FHL1: variants seen among roughly 807,000 people sequenced by gnomAD.
FHL1 encodes the protein four and a half LIM domains protein 1.
A neutral mutation model predicts 20.3 loss-of-function variants in FHL1; 1 was observed. That is an observed-to-expected ratio of 0.05 (90% CI 0.02 to 0.23). FHL1 has a LOEUF of 0.23. Ranked by LOEUF, FHL1 falls within the 10% of genes least tolerant of loss-of-function variation. The probability of loss-of-function intolerance (pLI) is 1.00; values close to 1 mark genes in which losing one functional copy is unlikely to be tolerated. For missense variants in FHL1, 177 were observed against 234.0 expected, an observed-to-expected ratio of 0.76 and a Z score of 1.59; for synonymous variants, 82 against 88.9, an observed-to-expected ratio of 0.92 and a Z score of 0.44.
intron 1 of FHL1, among the ~76,000 whole-genome samples, chrX:136,162,077 T>C (rs1386728548): frequency 1.0e-5 from 1 of 97,104 alleles, no homozygotes; most frequent in African/African-American, 3.8e-5. Context: ...GAGATGAGAT[T>C]GTGCCACTCC....
intron 1 of FHL1, among the ~76,000 whole-genome samples, chrX:136,153,873 G>C (rs1460320732): frequency 9.0e-6 from 1 of 111,363 alleles, no homozygotes; most frequent in East Asian, 2.8e-4. Context: ...TACATCTCTA[G>C]ATGGAAGTCA....
intron 1 of FHL1, among the ~76,000 whole-genome samples, chrX:136,199,888 A>G (rs1476843305): frequency 3.6e-5 from 4 of 112,436 alleles, no homozygotes; most frequent in Non-Finnish European, 7.5e-5. Flanking sequence ...ACATGAGAAA[A>G]TACATGTAAA....
intron 1 of FHL1, among the ~76,000 whole-genome samples, chrX:136,152,968 G>A (rs2072310561): frequency 9.0e-6 from 1 of 111,597 alleles, no homozygotes; most frequent in African/African-American, 3.3e-5. Flanking sequence ...GGAAGTTATG[G>A]AAATCTGTGC....
chrX:136,158,989 ATAATGTAT>A (rs1328373691), intron 1 of FHL1, among the ~76,000 whole-genome samples: 3 of 110,857 alleles, frequency 2.7e-5, no homozygotes, highest in African/African-American at 9.8e-5. Context: ...TTAGTTCATT[ATAATGTAT>A]TAACGTTGGC....
chrX:136,177,042 A>G (rs1048428834), intron 2 of FHL1, among the ~76,000 whole-genome samples: 10 of 110,409 alleles, frequency 9.1e-5, no homozygotes, highest in African/African-American at 3.0e-4. Context: ...ACACACACAC[A>G]CACATAATGT....
intron 5 of FHL1, 143 bp downstream of exon 5, chrX:136,208,784 C>A: frequency 1.6e-6 from 1 of 615,156 alleles, no homozygotes; most frequent in African/African-American, 2.2e-5. Flanking sequence ...CAAAGGCCCC[C>A]CAAGAGTTTG....
At chrX:136,197,200 G>C in intron 1 of FHL1, 66 bp downstream of exon 1, 1 of 990,851 alleles carries the variant, frequency 1.0e-6, no homozygotes, top group Non-Finnish European at 1.4e-6. Flanking sequence ...TCCGTCATTG[G>C]GCTAAAAGAT....
chrX:136,205,570 T>C (rs2073818470), intron 1 of FHL1, among the ~76,000 whole-genome samples: 1 of 112,009 alleles, frequency 8.9e-6, no homozygotes, highest in South Asian at 3.7e-4. Context: ...AAGTCCTCTC[T>C]TGCTATATTG....
chrX:136,157,586 A>C (rs1230893767), intron 1 of FHL1, among the ~76,000 whole-genome samples: 2 of 110,629 alleles, frequency 1.8e-5, no homozygotes, highest in African/African-American at 6.6e-5. Context: ...TGTTTTTATC[A>C]CCTCCACAAG....
At chrX:136,148,502 A>G (rs2072171863) in intron 1 of FHL1, 1 of 110,170 alleles carries the variant, frequency 9.1e-6, no homozygotes, top group African/African-American at 3.3e-5. Context: ...TGGGTTTTCA[A>G]AACTGCAGGG....
At chrX:136,185,635 G>T (rs1167375866) in intron 2 of FHL1, among the ~76,000 whole-genome samples, 3 of 111,731 alleles carry the variant, frequency 2.7e-5, no homozygotes, top group Non-Finnish European at 5.6e-5. Flanking sequence ...GGGTCACCTG[G>T]CTTCAATTAG....
chrX:136,173,609 C>G (rs1316620897), intron 2 of FHL1, among the ~76,000 whole-genome samples: 1 of 111,321 alleles, frequency 9.0e-6, no homozygotes, highest in Non-Finnish European at 1.9e-5. Flanking sequence ...TTCAGCTTCT[C>G]TTGAAATATC....
intron 2 of FHL1, among the ~76,000 whole-genome samples, chrX:136,177,973 CTT>C (rs2073049344): frequency 8.9e-6 from 1 of 112,120 alleles, no homozygotes; most frequent in African/African-American, 3.2e-5. Flanking sequence ...ACTCACTTGT[CTT>C]ATAACCGTGG....
intron 2 of FHL1, among the ~76,000 whole-genome samples, chrX:136,189,561 G>A (rs1418090746): frequency 9.0e-6 from 1 of 111,675 alleles, no homozygotes; most frequent in Non-Finnish European, 1.9e-5. Flanking sequence ...CATTTTTAGC[G>A]TGTAGTTGAA....
chrX:136,154,430 G>A (rs1157659215), intron 1 of FHL1, among the ~76,000 whole-genome samples: 7 of 112,475 alleles, frequency 6.2e-5, no homozygotes, highest in Non-Finnish European at 1.1e-4. Flanking sequence ...TGAGGCAAGT[G>A]CCAAGGCATA....
At chrX:136,184,413 G>C (rs150617559) in intron 2 of FHL1, among the ~76,000 whole-genome samples, 1,866 of 111,550 alleles carry the variant, frequency 0.017, 36 homozygotes, top group African/African-American at 0.056. Flanking sequence ...TTGATTTTTA[G>C]ATCAAAACGA....
In FHL1 at chrX:136,210,770, GAAGCTTAACA is replaced by G; in HGVS notation, c.*748_*757del. 2 of 387,474 alleles carry G rather than the reference GAAGCTTAACA, an allele frequency of 5.2e-6. No homozygotes were observed. The highest frequency in any genetic ancestry group is 4.9e-6 in the Non-Finnish European group (1 of 205,570). 31.9% of individuals were successfully genotyped at this position (387,474 alleles called of 1,213,427 possible). On this transcript the variant is annotated 3_prime_UTR_variant, in exon 6 of 6. Transcript: ENST00000370683. Reference sequence around the variant, plus strand: ...AACATCGTCACAACGAATACTTCTGGAAGCTTAACAAAACTAACCCTGCTGTCCTTTTTAT... The same window carrying G: ...AACATCGTCACAACGAATACTTCTGGAAACTAACCCTGCTGTCCTTTTTAT...
upstream of FHL1, chrX:136,167,052 C>T (rs2148291902): frequency 9.1e-6 from 1 of 109,371 alleles, no homozygotes; most frequent in Admixed American, 9.9e-5. Context: ...TGCCCTGCTG[C>T]ATTCCTCCTG....
chrX:136,148,557 C>CA (rs2072174327), intron 1 of FHL1: 1 of 111,166 alleles, frequency 9.0e-6, no homozygotes, highest in Non-Finnish European at 1.9e-5. Flanking sequence ...TTACAAGGTG[C>CA]CGTCTGTTCT....
Sources: gnomAD v4.1 joint callset for allele counts (sites outside exome capture counted in the v4.1 genomes callset) on GRCh38, gnomAD v4.1.1 for gene constraint, MANE v1.5 for transcripts, NCBI Gene and HGNC (gene_info 2026-07-23, HGNC 2026-07-21) for gene names.